The following CDIN1 variants were observed in gnomAD, a reference collection of about 807,000 sequenced individuals.
The protein encoded by CDIN1 is CDAN1-interacting nuclease 1.
In CDIN1, 33 loss-of-function variants were observed where a neutral mutation model predicts 45.3. The observed-to-expected ratio is 0.73, with a 90% CI of 0.55 to 0.97. The LOEUF is 0.97. Ranked by LOEUF, CDIN1 falls within the 50% of genes least tolerant of loss-of-function variation. The probability of loss-of-function intolerance (pLI) is 0.00; values close to 1 mark genes in which losing one functional copy is unlikely to be tolerated. For synonymous variants in CDIN1, 118 were observed against 124.4 expected (o/e 0.95, Z 0.34); for missense variants, 303 against 339.4 (o/e 0.89, Z 0.84).
intron 1 of CDIN1, among the ~76,000 whole-genome samples, chr15:36,624,051 T>C (rs533695598): frequency 7.9e-5 from 12 of 152,322 alleles, no homozygotes; most frequent in Non-Finnish European, 1.8e-4. Context: ...TTCATTATCA[T>C]GATCATCATG....
chr15:36,767,333 T>G (rs2053954357), intron 10 of CDIN1, among the ~76,000 whole-genome samples: 1 of 152,120 alleles, frequency 6.6e-6, no homozygotes, highest in African/African-American at 2.4e-5. Flanking sequence ...GCTTCCTGAG[T>G]CAGATCTGAG....
In CDIN1 at chr15:36,808,561, A is replaced by G; in HGVS notation, c.*108A>G. On this transcript the variant is annotated 3_prime_UTR_variant, in exon 11 of 11. Coordinates refer to ENST00000566621, the MANE Select transcript of CDIN1 (RefSeq NM_001321759.2). ...AACATCTGCCCTGAACTTCAGCTGA[A>G]CTCTTGCTGCCCGTAGTCACACCAC... 7.0e-7 allele frequency: 1 copy of G among 1,424,492 alleles called. No individual in the cohort carries two copies. Among genetic ancestry groups the G allele is most frequent in the Non-Finnish European group, 9.5e-7 (1 of 1,049,270 alleles). The allele number at this position is 1,424,492 out of a possible 1,614,324, so 88.2% of individuals were successfully genotyped here.
At chr15:36,714,171 G>A (rs1409226037) in intron 10 of CDIN1, among the ~76,000 whole-genome samples, 4 of 152,044 alleles carry the variant, frequency 2.6e-5, no homozygotes, top group Non-Finnish European at 5.9e-5. Flanking sequence ...AAACTTTTAC[G>A]CACTTTTCAA....
chr15:36,611,054 A>G (rs1173209818), intron 1 of CDIN1, among the ~76,000 whole-genome samples: 1 of 152,232 alleles, frequency 6.6e-6, no homozygotes, highest in East Asian at 1.9e-4. Flanking sequence ...TATGTTACCC[A>G]AATTATCTGC....
At chr15:36,700,761 G>A (rs2042601382) in intron 8 of CDIN1, among the ~76,000 whole-genome samples, 1 of 151,540 alleles carries the variant, frequency 6.6e-6, no homozygotes, top group Non-Finnish European at 1.5e-5. Flanking sequence ...ATAAGTTTCA[G>A]TACATGTTAG....
chr15:36,667,371 C>A (rs1306428364), intron 5 of CDIN1, among the ~76,000 whole-genome samples: 1 of 152,170 alleles, frequency 6.6e-6, no homozygotes, highest in Non-Finnish European at 1.5e-5. Context: ...ATTTCTTAAT[C>A]ATGAGCTTTT....
chr15:36,669,015 G>T (rs1438388173), intron 5 of CDIN1: 1 of 151,934 alleles, frequency 6.6e-6, no homozygotes, highest in African/African-American at 2.4e-5. Flanking sequence ...CTTCTTCTTC[G>T]TTAGGTACTC....
chr15:36,616,837 C>T (rs910845581), intron 1 of CDIN1, among the ~76,000 whole-genome samples: 17 of 151,936 alleles, frequency 1.1e-4, no homozygotes, highest in Admixed American at 1.0e-3. Flanking sequence ...AGGCAGGAGA[C>T]TTGCTTGGAC....
chr15:36,720,762 G>C (rs1203677896), intron 10 of CDIN1, among the ~76,000 whole-genome samples: 1 of 152,148 alleles, frequency 6.6e-6, no homozygotes, highest in Non-Finnish European at 1.5e-5. Flanking sequence ...CCTTATAGTA[G>C]CATGATTTAT....
chr15:36,640,733 G>GTCTGTGCTCAGCTCTCCTCTTAA, intron 1 of CDIN1: 1 of 731,540 alleles, frequency 1.4e-6, no homozygotes, highest in Non-Finnish European at 1.7e-6. Flanking sequence ...TTGCAATTAA[G>GTCTGTGCTCAGCTCTCCTCTTAA]TCTGTGCTCA....
At chr15:36,624,517 T>G (rs2039332292) in intron 1 of CDIN1, among the ~76,000 whole-genome samples, 1 of 152,186 alleles carries the variant, frequency 6.6e-6, no homozygotes, top group African/African-American at 2.4e-5. Flanking sequence ...AGATTGAAAA[T>G]CTATAGTTTT....
chr15:36,601,891 A>G (rs981749931), intron 1 of CDIN1, among the ~76,000 whole-genome samples: 1 of 152,240 alleles, frequency 6.6e-6, no homozygotes, highest in African/African-American at 2.4e-5. Context: ...TGAACCTGAC[A>G]CGATCATAGC....
chr15:36,749,254 T>C (rs1328267364), intron 10 of CDIN1, among the ~76,000 whole-genome samples: 3 of 152,238 alleles, frequency 2.0e-5, no homozygotes, highest in African/African-American at 7.2e-5. Context: ...CATATGATAC[T>C]GATATAAACA....
intron 1 of CDIN1, among the ~76,000 whole-genome samples, chr15:36,612,727 G>A (rs1309511922): frequency 6.6e-6 from 1 of 152,072 alleles, no homozygotes; most frequent in Admixed American, 6.6e-5. Flanking sequence ...CAGATTTCCT[G>A]CAATGACTAG....
At chr15:36,777,716 T>TCCTCCCACCTCAG (rs2054256198) in intron 10 of CDIN1, among the ~76,000 whole-genome samples, 1 of 152,112 alleles carries the variant, frequency 6.6e-6, no homozygotes, top group Non-Finnish European at 1.5e-5. Flanking sequence ...GCTCAAGCAA[T>TCCTCCCACCTCAG]CCTCCCACCT....
At chr15:36,716,726 G>A (rs528091747) in intron 10 of CDIN1, among the ~76,000 whole-genome samples, 76 of 152,234 alleles carry the variant, frequency 5.0e-4, no homozygotes, top group African/African-American at 1.6e-3. Context: ...CTTCTTTACC[G>A]AGCCTCAACT....
At chr15:36,778,089 G>A (rs2054264696) in intron 10 of CDIN1, among the ~76,000 whole-genome samples, 1 of 152,176 alleles carries the variant, frequency 6.6e-6, no homozygotes, top group Non-Finnish European at 1.5e-5. Flanking sequence ...ATGTAATCCT[G>A]AATATCAGAT....
At chr15:36,627,029 G>T (rs1339475772) in intron 1 of CDIN1, 1 of 172,220 alleles carries the variant, frequency 5.8e-6, no homozygotes, top group East Asian at 1.8e-4. Flanking sequence ...GTGGAGGACA[G>T]TGTTGCTCCA....
At chr15:36,728,205 G>A (rs1187572086) in intron 10 of CDIN1, among the ~76,000 whole-genome samples, 1 of 152,118 alleles carries the variant, frequency 6.6e-6, no homozygotes, top group East Asian at 1.9e-4. Context: ...TTATCAACAA[G>A]TATGCTTCAC....
Sources: gnomAD v4.1 joint callset for allele counts (sites outside exome capture counted in the v4.1 genomes callset) on GRCh38, gnomAD v4.1.1 for gene constraint, MANE v1.5 for transcripts, NCBI Gene and HGNC (gene_info 2026-07-23, HGNC 2026-07-21) for gene names.